Variants in GATM observed in about 807,000 individuals in gnomAD.
GATM encodes the protein glycine amidinotransferase.
GATM carries 23 observed loss-of-function variants against 54.2 expected under a neutral mutation model. The observed-to-expected ratio is 0.42, with a 90% CI of 0.31 to 0.60. The LOEUF (loss-of-function observed/expected upper bound fraction) is 0.60. GATM is among the 20% of genes least tolerant of loss of function. The pLI, the probability that GATM is intolerant of heterozygous loss-of-function variation, is 0.14. For synonymous variants in GATM, 168 were observed against 183.1 expected (o/e 0.92, Z 0.67); for missense variants, 401 against 544.9 (o/e 0.74, Z 2.63).
chr15:45,381,347 A>C (rs1288122839), upstream of GATM, among the ~76,000 whole-genome samples: 1 of 152,194 alleles, frequency 6.6e-6, no homozygotes, highest in Non-Finnish European at 1.5e-5. Flanking sequence ...AAGGACAGGG[A>C]ATAGAAAACA....
chr15:45,363,871 T>G, intron 8 of GATM, 29 bp downstream of exon 8: 1 of 1,285,720 alleles, frequency 7.8e-7, no homozygotes, highest in Non-Finnish European at 1.1e-6. Flanking sequence ...TTTTCATGTA[T>G]GACAACATGT....
At chr15:45,382,405 T>C (rs879425437), upstream of GATM, among the ~76,000 whole-genome samples, 2 of 152,304 alleles carry the variant, frequency 1.3e-5, no homozygotes, top group East Asian at 1.9e-4. Flanking sequence ...TTCACACCTG[T>C]AATCTCAGCA....
intron 1 of GATM, among the ~76,000 whole-genome samples, chr15:45,400,106 C>G (rs1191550005): frequency 6.6e-6 from 1 of 152,162 alleles, no homozygotes; most frequent in Non-Finnish European, 1.5e-5. Context: ...CCTGTAATCC[C>G]AGCTACTTGG....
At chr15:45,391,912 T>C (rs922385268) in intron 3 of GATM, among the ~76,000 whole-genome samples, 2 of 152,192 alleles carry the variant, frequency 1.3e-5, no homozygotes, top group Non-Finnish European at 2.9e-5. Flanking sequence ...CCTCAGACAG[T>C]GGCAGGCCCT....
intron 2 of GATM, among the ~76,000 whole-genome samples, chr15:45,399,273 A>T (rs1357734822): frequency 4.6e-5 from 7 of 152,240 alleles, no homozygotes; most frequent in Admixed American, 2.6e-4. Flanking sequence ...ACTGAGTTTT[A>T]CACAGCTTGA....
intron 3 of GATM, among the ~76,000 whole-genome samples, chr15:45,389,512 G>A (rs1300865990): frequency 2.6e-5 from 4 of 152,050 alleles, no homozygotes; most frequent in African/African-American, 9.7e-5. Flanking sequence ...GGCACAATCT[G>A]GGCTCACTGC....
At chr15:45,402,188 C>G (rs1890028824) in exon 1 of GATM, 2 of 541,040 alleles carry the variant, frequency 3.7e-6, no homozygotes, top group Non-Finnish European at 6.3e-6. Flanking sequence ...AAGACCATCT[C>G]GGGAAAGCTC....
intron 2 of GATM, among the ~76,000 whole-genome samples, chr15:45,375,183 G>A (rs1331242482): frequency 1.3e-5 from 2 of 152,140 alleles, no homozygotes; most frequent in Non-Finnish European, 2.9e-5. Flanking sequence ...CCATTCTCCT[G>A]CCTCAGCCTC....
chr15:45,383,435 T>G (rs1307278660), upstream of GATM, among the ~76,000 whole-genome samples: 1 of 152,212 alleles, frequency 6.6e-6, no homozygotes, highest in Non-Finnish European at 1.5e-5. Flanking sequence ...TTAAGAAAAC[T>G]GAGGAAGAAA....
At chr15:45,375,073 T>C (rs1889608090) in intron 2 of GATM, among the ~76,000 whole-genome samples, 1 of 151,876 alleles carries the variant, frequency 6.6e-6, no homozygotes, top group Non-Finnish European at 1.5e-5. Context: ...GAGTTTTTGT[T>C]TGTTTGTTTG....
chr15:45,378,244 G>A (rs1405544470), intron 1 of GATM, 141 bp downstream of exon 1: 2 of 602,014 alleles, frequency 3.3e-6, no homozygotes, highest in African/African-American at 1.9e-5. Context: ...AGGGATACCA[G>A]AAGGGACACT....
At position 45,368,736 on chromosome 15, in the gene GATM, G is replaced by T. The variant is rs1409955885; in HGVS notation, c.485-476C>A. The stretch of plus-strand genomic sequence containing the variant: ...AAATTCGAATAACACATACTAGATT[G>T]TTAACATGAATTGTGTGGTGGGGGG... On this transcript the variant is annotated intron_variant, in intron 3 of 8. Coordinates refer to ENST00000396659, the MANE Select transcript of GATM (RefSeq NM_001482.3). This position sits in a 1 kb window ranked among gnomAD's most constrained non-coding sequence, Gnocchi z 5.1. Among the ~76,000 whole-genome samples, 2 of 151,032 alleles carry T rather than the reference G, an allele frequency of 1.3e-5. No homozygotes were observed. Among genetic ancestry groups the T allele is most frequent in the Non-Finnish European group, 2.9e-5 (2 of 67,840 alleles).
intron 3 of GATM, among the ~76,000 whole-genome samples, chr15:45,385,998 A>T (rs1296956172): frequency 6.6e-6 from 1 of 152,158 alleles, no homozygotes; most frequent in East Asian, 1.9e-4. Flanking sequence ...TTCACACTTC[A>T]CTTTCCTGTG....
chr15:45,364,949 T>G lies in GATM; in HGVS notation c.979-89A>C, dbSNP rs1889426009. 5.6e-6 allele frequency: 6 copies of G among 1,074,454 alleles called. No homozygotes were observed. The Admixed American group carries it at 1.1e-4, about 20-fold the overall frequency. The allele number at this position is 1,074,454 out of a possible 1,614,324, so 66.6% of individuals were successfully genotyped here. A position where few individuals can be genotyped will look rare whatever the true frequency, so the allele number is the denominator to read the frequency against. ...TCTAATAGCCCTTATCAGTAATAAT[T>G]CTCTTTGAGAAGCTGTCTTCTCAGC... is the stretch of plus-strand genomic sequence containing the variant. On this transcript the variant is annotated intron_variant, in intron 6 of 8. Coordinates refer to ENST00000396659, the MANE Select transcript of GATM (RefSeq NM_001482.3).
At chr15:45,370,407 GAA>G (rs5812295) in intron 2 of GATM, among the ~76,000 whole-genome samples, 58 of 144,954 alleles carry the variant, frequency 4.0e-4, no homozygotes, top group Non-Finnish European at 7.3e-4. Context: ...AAAAGAAAAA[GAA>G]AAAAAAAAAC....
chr15:45,395,944 A>T (rs1889923757), intron 3 of GATM, among the ~76,000 whole-genome samples: 1 of 152,166 alleles, frequency 6.6e-6, no homozygotes, highest in Non-Finnish European at 1.5e-5. Context: ...ACATATCTTG[A>T]TTTTACACTT....
At chr15:45,370,240 G>A (rs1317848981) in intron 2 of GATM, among the ~76,000 whole-genome samples, 3 of 152,138 alleles carry the variant, frequency 2.0e-5, no homozygotes, top group South Asian at 2.1e-4. Flanking sequence ...GCCAGGCATG[G>A]TGGCACGTGC....
intron 2 of GATM, among the ~76,000 whole-genome samples, chr15:45,372,763 G>T (rs182199296): frequency 1.3e-5 from 2 of 152,362 alleles, no homozygotes; most frequent in South Asian, 2.1e-4. Flanking sequence ...TTGAACAAAT[G>T]TGATTTTTTC....
In GATM at chr15:45,378,491, G is replaced by C; in HGVS notation, c.-38C>G. The C allele has an allele frequency of 7.3e-7, 1 of 1,363,842 alleles. No homozygotes were observed. Among genetic ancestry groups the C allele is most frequent in the Non-Finnish European group, 9.4e-7 (1 of 1,061,336 alleles). 84.5% of individuals were successfully genotyped at this position (1,363,842 alleles called of 1,614,324 possible). A position where few individuals can be genotyped will look rare whatever the true frequency, so the allele number is the denominator to read the frequency against. On this transcript the variant is annotated 5_prime_UTR_variant, in exon 1 of 9. Coordinates refer to ENST00000396659, the MANE Select transcript of GATM (RefSeq NM_001482.3). ...GCTGGTCCACGCGCGGAATGTTCCT[G>C]GCCTCTGGGCCGCGTCGGTCCAAGC...
Sources: gnomAD v4.1 joint callset for allele counts (sites outside exome capture counted in the v4.1 genomes callset) on GRCh38, gnomAD v4.1.1 for gene constraint, Gnocchi (gnomAD v3.1) non-coding constraint, MANE v1.5 for transcripts, NCBI Gene and HGNC (gene_info 2026-07-23, HGNC 2026-07-21) for gene names.